Variants in MPP1 observed in about 807,000 individuals in gnomAD.
MPP1 encodes the protein 55 kDa erythrocyte membrane protein.
A neutral mutation model predicts 38.2 loss-of-function variants in MPP1; 6 were observed. The ratio of observed to expected loss-of-function variants is 0.16; its 90% CI spans 0.09 to 0.31. The LOEUF (loss-of-function observed/expected upper bound fraction) is 0.31, where lower values mean the gene tolerates loss of function less well. Ranked by LOEUF, MPP1 falls within the 10% of genes least tolerant of loss-of-function variation. The pLI is 1.00. For missense variants in MPP1, 293 were observed against 368.9 expected (o/e 0.79, Z 1.69); for synonymous variants, 153 against 146.3 (o/e 1.05, Z -0.33).
At position 154,778,922 on chromosome X, in the gene MPP1, T is replaced by G. The variant is rs782041098; in HGVS notation, c.*255A>C. On this transcript the variant is annotated 3_prime_UTR_variant, in exon 12 of 12. Transcript: ENST00000369534. ...ATCACCCTTGATTAGCAGTTACATT[T>G]TGGTAGTACTTCTTACCCCCAATTT... The G allele has an allele frequency of 7.1e-5, 25 of 353,240 alleles. No individual in the cohort carries two copies. The East Asian group carries it at 9.3e-4, about 13-fold the overall frequency. The allele number at this position is 353,240 out of a possible 1,213,427, so 29.1% of individuals were successfully genotyped here.
chrX:154,795,094 C>T (rs782787001), intron 1 of MPP1, among the ~76,000 whole-genome samples: 1 of 111,176 alleles, frequency 9.0e-6, no homozygotes, highest in East Asian at 2.8e-4. Context: ...AGAGGAAGAC[C>T]CTGTCTCAGA....
chrX:154,786,095 A>T, intron 6 of MPP1, 109 bp downstream of exon 6: 1 of 718,624 alleles, frequency 1.4e-6, no homozygotes, highest in Non-Finnish European at 2.1e-6. Flanking sequence ...GAAATCTAGG[A>T]GGTCTCCTTG....
At chrX:154,783,640 A>C in intron 8 of MPP1, 133 bp from the exon 9 acceptor site, 1 of 514,310 alleles carries the variant, frequency 1.9e-6, no homozygotes, top group Non-Finnish European at 3.2e-6. Context: ...GCTGGGGTCA[A>C]CTCTAAAGAC....
chrX:154,801,779 A>AAAC (rs2072267281), intron 1 of MPP1, among the ~76,000 whole-genome samples: 1 of 87,774 alleles, frequency 1.1e-5, no homozygotes, highest in South Asian at 5.2e-4. Flanking sequence ...AAAAAAAAAA[A>AAAC]AAAAAAACAA....
At chrX:154,791,399 A>T (rs2072140309) in intron 3 of MPP1, among the ~76,000 whole-genome samples, 1 of 112,392 alleles carries the variant, frequency 8.9e-6, no homozygotes. Flanking sequence ...TTCACCAGCA[A>T]GCTCCATGTT....
intron 1 of MPP1, among the ~76,000 whole-genome samples, chrX:154,803,983 A>T (rs1000631793): frequency 4.4e-5 from 5 of 112,550 alleles, no homozygotes; most frequent in African/African-American, 9.7e-5. Context: ...GTATAACAAT[A>T]GCATCTTTCA....
At chrX:154,781,515 C>A in intron 10 of MPP1, 85 bp downstream of exon 10, 1 of 1,030,833 alleles carries the variant, frequency 9.7e-7, no homozygotes, top group East Asian at 3.0e-5. Flanking sequence ...AATCCTGAGC[C>A]CCCAGAAGAT....
intron 5 of MPP1, among the ~76,000 whole-genome samples, 172 bp from the exon 6 acceptor site, chrX:154,786,572 C>T (rs1557267212): frequency 9.0e-6 from 1 of 110,936 alleles, no homozygotes; most frequent in South Asian, 3.8e-4. Context: ...ATTGTGTTTG[C>T]GGAGGGGTCA....
rs1327700583 is a variant in MPP1, at chrX:154,782,120, C to T, written c.947-318G>A. On this transcript the variant is annotated intron_variant, in intron 9 of 11. Transcript: ENST00000369534. ...TATTGAAACTTAGAAATGAAGATAGCGGAAAATATTTTAAAAACAGATCTA... is the reference window on the plus strand; with the variant it reads ...TATTGAAACTTAGAAATGAAGATAGTGGAAAATATTTTAAAAACAGATCTA... 1.8e-5 allele frequency: 4 copies of T among 223,254 alleles called. No homozygotes were observed. In the East Asian group the frequency reaches 2.3e-4, roughly 13 times the overall value. The allele number at this position is 223,254 out of a possible 1,213,427, so 18.4% of individuals were successfully genotyped here. A position where few individuals can be genotyped will look rare whatever the true frequency, so the allele number is the denominator to read the frequency against.
At chrX:154,788,928 C>CTGGT (rs2072109720) in intron 5 of MPP1, among the ~76,000 whole-genome samples, 1 of 111,680 alleles carries the variant, frequency 9.0e-6, no homozygotes, top group Non-Finnish European at 1.9e-5. Flanking sequence ...TAAAATAAGA[C>CTGGT]ACCAAAGAAT....
intron 1 of MPP1, among the ~76,000 whole-genome samples, chrX:154,796,678 A>G (rs1557268182): frequency 8.9e-6 from 1 of 112,516 alleles, no homozygotes; most frequent in East Asian, 2.8e-4. Context: ...TTTAGAACTC[A>G]CTTAGAAACA....
At position 154,781,346 on chromosome X, in the gene MPP1, G is replaced by C. The variant is rs782421732; in HGVS notation, c.1150-33C>G. The C allele has an allele frequency of 3.4e-4, 362 of 1,052,536 alleles. 1 individual carries two copies. The South Asian group carries it at 6.0e-3, about 17-fold the overall frequency. 86.7% of individuals were successfully genotyped at this position (1,052,536 alleles called of 1,213,427 possible). ...AAAAAAAGAAGGGCGGCGGGGAGGG[G>C]GGGGAAGGAAGAAAAGGAAAGTGAA... On this transcript the variant is annotated intron_variant, in intron 10 of 11. Transcript: ENST00000369534.
At chrX:154,790,842 A>G (rs2072134478) in intron 4 of MPP1, 141 bp downstream of exon 4, 2 of 506,898 alleles carry the variant, frequency 3.9e-6, no homozygotes, top group Non-Finnish European at 6.5e-6. Context: ...CATTTCTTAC[A>G]CAGATTAAAG....
intron 10 of MPP1, 70 bp from the exon 11 acceptor site, chrX:154,781,383 T>TATG: frequency 1.2e-6 from 1 of 869,541 alleles, no homozygotes; most frequent in Non-Finnish European, 1.7e-6. Flanking sequence ...AAAAAAAACC[T>TATG]ACATAGCTGT....
At chrX:154,798,830 A>G (rs782401544) in intron 1 of MPP1, among the ~76,000 whole-genome samples, 4 of 111,238 alleles carry the variant, frequency 3.6e-5, no homozygotes, top group South Asian at 3.8e-4. Flanking sequence ...CGCCTCCTGG[A>G]TTCAAGCGAT....
intron 11 of MPP1, among the ~76,000 whole-genome samples, chrX:154,780,332 T>C (rs1190568649): frequency 1.2e-4 from 13 of 112,432 alleles, no homozygotes; most frequent in Non-Finnish European, 2.3e-4. Context: ...TACCCTAATA[T>C]AGACTTCCTA....
chrX:154,792,102 CAG>C (rs1310171915), intron 2 of MPP1, 38 bp downstream of exon 2: 1 of 1,196,171 alleles, frequency 8.4e-7, no homozygotes, highest in African/African-American at 1.8e-5. Flanking sequence ...ACTCATGGGG[CAG>C]AGAGTAACTG....
chrX:154,779,030 G>T lies in MPP1; in HGVS notation c.*147C>A. 3.5e-6 allele frequency: 2 copies of T among 573,769 alleles called. No individual in the cohort carries two copies. Among genetic ancestry groups the T allele is most frequent in the South Asian group, 3.8e-5 (1 of 26,290 alleles). The allele number at this position is 573,769 out of a possible 1,213,427, so 47.3% of individuals were successfully genotyped here. A position where few individuals can be genotyped will look rare whatever the true frequency, so the allele number is the denominator to read the frequency against. On this transcript the variant is annotated 3_prime_UTR_variant, in exon 12 of 12. Transcript: ENST00000369534. Reference sequence around the variant, plus strand: ...CTTCAGGAGCCTGAGCAAGAAGACTGAACCTTACTGGCTGAATTAGGATAG... The same window carrying T: ...CTTCAGGAGCCTGAGCAAGAAGACTTAACCTTACTGGCTGAATTAGGATAG...
At chrX:154,792,520 C>G (rs782502103) in intron 1 of MPP1, 1 of 333,002 alleles carries the variant, frequency 3.0e-6, no homozygotes, top group Non-Finnish European at 5.2e-6. Context: ...CCCAGGGCAA[C>G]AGAGTGAGAC....
Sources: allele counts gnomAD v4.1 joint callset (sites outside exome capture counted in the v4.1 genomes callset), GRCh38; gene constraint gnomAD v4.1.1; transcripts MANE v1.5; gene names NCBI Gene and HGNC (gene_info 2026-07-23, HGNC 2026-07-21).